YWHAH: variants seen among roughly 807,000 people sequenced by gnomAD.
YWHAH encodes 14-3-3 protein eta.
A neutral mutation model predicts 22.9 loss-of-function variants in YWHAH; 6 were observed. That is an observed-to-expected ratio of 0.26 (90% CI 0.14 to 0.52). The LOEUF is 0.52. Ranked by LOEUF, YWHAH falls within the 20% of genes least tolerant of loss-of-function variation. The pLI, the probability that YWHAH is intolerant of heterozygous loss-of-function variation, is 0.97. For missense variants in YWHAH, 173 were observed against 308.6 expected (o/e 0.56, Z 3.29); for synonymous variants, 135 against 124.5 (o/e 1.08, Z -0.56).
chr22:31,945,029 G>A, intron 1 of YWHAH: 1 of 1,113,760 alleles, frequency 9.0e-7, no homozygotes, highest in Non-Finnish European at 1.1e-6. Flanking sequence ...GGGGATCCGG[G>A]AGGGTGCAGT....
intron 1 of YWHAH, among the ~76,000 whole-genome samples, chr22:31,954,623 G>C (rs185226535): frequency 1.1e-4 from 16 of 152,192 alleles, no homozygotes; most frequent in African/African-American, 2.7e-4. Context: ...CCCTCTGAAG[G>C]CTCTAGGGAA....
Position 31,956,270 on chromosome 22 carries a change from T to C in YWHAH, c.219T>C (p.Asp73=), listed in dbSNP as rs746003960. The C allele has an allele frequency of 5.6e-6, 9 of 1,613,970 alleles. No homozygotes were observed. The African/African-American group carries it at 1.2e-4, about 22-fold the overall frequency. The part of the protein sequence containing the change: ...ISSIEQKTMA[D]GNEKKLEKVK... ...GCATTGAGCAGAAAACCATGGCTGA[T>C]GGAAACGAAAAGAAATTGGAGAAAG... The change falls in exon 2 of 2, where the codon GAT becomes GAC. Residue 73 remains aspartate, a synonymous_variant. Transcript: ENST00000248975. This position sits in a 1 kb window ranked among gnomAD's most constrained non-coding sequence, Gnocchi z 5.1.
chr22:31,945,651 T>A (rs745636247), intron 1 of YWHAH: 3 of 1,285,860 alleles, frequency 2.3e-6, no homozygotes, highest in African/African-American at 3.1e-5. Flanking sequence ...ACCATCTCAC[T>A]CTCTCTCCAC....
At chr22:31,950,043 T>C (rs756549503) in intron 1 of YWHAH, among the ~76,000 whole-genome samples, 1 of 138,930 alleles carries the variant, frequency 7.2e-6, no homozygotes. Flanking sequence ...AACTCACATA[T>C]CTGGATTTTG....
chr22:31,946,865 T>C (rs1457265253), intron 1 of YWHAH, among the ~76,000 whole-genome samples: 1 of 152,190 alleles, frequency 6.6e-6, no homozygotes, highest in African/African-American at 2.4e-5. Context: ...ATATTTGAAA[T>C]AATTAATGAG....
At chr22:31,945,184 GC>G in intron 1 of YWHAH, 1 of 1,112,072 alleles carries the variant, frequency 9.0e-7, no homozygotes, top group South Asian at 2.3e-5. Flanking sequence ...GGACCCGGGG[GC>G]TCCCCCTCTC....
At chr22:31,948,573 A>G (rs1311311969) in intron 1 of YWHAH, among the ~76,000 whole-genome samples, 1 of 152,040 alleles carries the variant, frequency 6.6e-6, no homozygotes, top group South Asian at 2.1e-4. Flanking sequence ...CAGGATCTCT[A>G]TATGGTACCC....
At position 31,956,004 on chromosome 22, in the gene YWHAH, GT is replaced by G; in HGVS notation, c.88-130del. 9.9e-7 allele frequency: 1 copy of G among 1,007,014 alleles called. No homozygotes were observed. Among genetic ancestry groups the G allele is most frequent in the Non-Finnish European group, 1.4e-6 (1 of 695,388 alleles). The allele number at this position is 1,007,014 out of a possible 1,614,324, so 62.4% of individuals were successfully genotyped here. On this transcript the variant is annotated intron_variant, in intron 1 of 1. Transcript: ENST00000248975. The surrounding 1 kb of genome is among the most constrained non-coding windows in gnomAD (Gnocchi z 5.1). ...TCTATATTGGTTTTATCCATGGGTG[GT>G]TTTTATTCTCCAGAGTGACTGACCT...
At chr22:31,949,061 CG>C (rs2093839090) in intron 1 of YWHAH, among the ~76,000 whole-genome samples, 2 of 151,204 alleles carry the variant, frequency 1.3e-5, no homozygotes, top group South Asian at 4.2e-4. Flanking sequence ...TCCAGAAATA[CG>C]GTTTCGGAGA....
intron 1 of YWHAH, chr22:31,945,377 T>A (rs1200814555): frequency 1.6e-6 from 2 of 1,286,230 alleles, no homozygotes; most frequent in Non-Finnish European, 2.0e-6. Flanking sequence ...GAAGACCCCT[T>A]TCCTGCAGTC....
intron 1 of YWHAH, among the ~76,000 whole-genome samples, chr22:31,955,290 C>T (rs1603055008): frequency 6.6e-6 from 1 of 152,166 alleles, no homozygotes; most frequent in East Asian, 1.9e-4. Flanking sequence ...TCCATCTGAT[C>T]TGTGAAGCCC....
At chr22:31,949,519 G>C (rs954830234) in intron 1 of YWHAH, among the ~76,000 whole-genome samples, 5 of 151,444 alleles carry the variant, frequency 3.3e-5, no homozygotes, top group East Asian at 1.9e-4. Context: ...TTGGTGGGGG[G>C]GGGAGTCATG....
At chr22:31,952,252 G>A (rs2858750) in intron 1 of YWHAH, among the ~76,000 whole-genome samples, 36,564 of 152,184 alleles carry the variant, frequency 0.24, 5,421 homozygotes, top group Non-Finnish European at 0.32. Context: ...ATTACTCTGT[G>A]TTGCCACCCG....
intron 1 of YWHAH, 80 bp downstream of exon 1, chr22:31,944,900 C>A: frequency 1.7e-6 from 2 of 1,176,554 alleles, no homozygotes; most frequent in Non-Finnish European, 2.1e-6. Context: ...CGGGCGCGTT[C>A]CCCTCCCGGC....
At chr22:31,948,654 A>C (rs1358636312) in intron 1 of YWHAH, among the ~76,000 whole-genome samples, 2 of 152,068 alleles carry the variant, frequency 1.3e-5, no homozygotes, top group Non-Finnish European at 2.9e-5. Flanking sequence ...GGATTACAGG[A>C]GTGAGCTACC....
intron 1 of YWHAH, chr22:31,947,438 A>T (rs1378602879): frequency 2.1e-6 from 1 of 471,412 alleles, no homozygotes; most frequent in African/African-American, 2.0e-5. Flanking sequence ...CCTTCCTGTA[A>T]TGATTGATGT....
intron 1 of YWHAH, among the ~76,000 whole-genome samples, chr22:31,954,333 A>G (rs2093846918): frequency 6.6e-6 from 1 of 152,166 alleles, no homozygotes; most frequent in African/African-American, 2.4e-5. Flanking sequence ...AAAGACCTTT[A>G]CCAGTAGGTC....
In YWHAH at chr22:31,944,657, C is replaced by CG; in HGVS notation, c.-73dup. The stretch of plus-strand genomic sequence containing the variant: ...GCGCGGCGGCGGCCTCCGCAGCGAC[C>CG]GGGGAGCGGACTGACCGGCGGGAGG... On this transcript the variant is annotated 5_prime_UTR_variant, in exon 1 of 2. Transcript: ENST00000248975. 1 of 1,130,484 alleles carries CG rather than the reference C, an allele frequency of 8.8e-7. No homozygotes were observed. Among genetic ancestry groups the CG allele is most frequent in the Non-Finnish European group, 1.1e-6 (1 of 907,168 alleles). The allele number at this position is 1,130,484 out of a possible 1,614,324, so 70.0% of individuals were successfully genotyped here.
chr22:31,956,896 T>G lies in YWHAH; in HGVS notation c.*104T>G, dbSNP rs2093850277. 1 of 1,365,734 alleles carries G rather than the reference T, an allele frequency of 7.3e-7. No homozygotes were observed. Among genetic ancestry groups the G allele is most frequent in the South Asian group, 1.5e-5 (1 of 66,546 alleles). The allele number at this position is 1,365,734 out of a possible 1,614,324, so 84.6% of individuals were successfully genotyped here. ...TATCTAGTGCTAAACCTATCTGTATTGGCAGCACAGCTACTCAGATCTGCA... is the reference window on the plus strand; with the variant it reads ...TATCTAGTGCTAAACCTATCTGTATGGGCAGCACAGCTACTCAGATCTGCA... On this transcript the variant is annotated 3_prime_UTR_variant, in exon 2 of 2. Coordinates refer to ENST00000248975, the MANE Select transcript of YWHAH (RefSeq NM_003405.4). The surrounding 1 kb of genome is among the most constrained non-coding windows in gnomAD (Gnocchi z 5.1).
Sources: gnomAD v4.1 joint callset for allele counts (sites outside exome capture counted in the v4.1 genomes callset) on GRCh38, gnomAD v4.1.1 for gene constraint, Gnocchi (gnomAD v3.1) non-coding constraint, MANE v1.5 for transcripts, NCBI Gene and HGNC (gene_info 2026-07-23, HGNC 2026-07-21) for gene names.